The following SMAD6 variants were observed in gnomAD, a reference collection of about 807,000 sequenced individuals.
SMAD6 encodes the protein MAD homolog 6.
In SMAD6, 103 loss-of-function variants were observed where a neutral mutation model predicts 39.4. The ratio of observed to expected loss-of-function variants is 2.62; its 90% CI spans 2.23 to 3.08. The LOEUF is 3.08. Among genes scored for constraint, SMAD6 ranks in the 30% most tolerant of loss-of-function variants. The pLI is 0.00. For synonymous variants in SMAD6, 445 were observed against 353.3 expected, an observed-to-expected ratio of 1.26 and a Z score of -2.91; for missense variants, 1,104 against 742.9, an observed-to-expected ratio of 1.49 and a Z score of -5.65.
In SMAD6 at chr15:66,732,423, C is replaced by T. The variant is rs549573215; in HGVS notation, c.952+15925C>T. 2.0e-5 allele frequency among the ~76,000 whole-genome samples: 3 copies of T among 152,328 alleles called. No individual in the cohort carries two copies. In the South Asian group the frequency reaches 6.2e-4, roughly 32 times the overall value. ...CTGGAGTACAGTGGTACAGCCATGGCTCACTGTAACCCTGAACTCCTGGCT... is the reference window on the plus strand; with the variant it reads ...CTGGAGTACAGTGGTACAGCCATGGTTCACTGTAACCCTGAACTCCTGGCT... On this transcript the variant is annotated intron_variant, in intron 3 of 3. Transcript: ENST00000288840.
intron 3 of SMAD6, among the ~76,000 whole-genome samples, chr15:66,751,157 T>C (rs1001902119): frequency 1.7e-4 from 26 of 152,282 alleles, no homozygotes; most frequent in African/African-American, 6.0e-4. Flanking sequence ...TTGCAAAATG[T>C]TGAGCCTTAT....
Position 66,782,189 on chromosome 15 carries a change from A to G in SMAD6, c.*654A>G. Reference sequence around the variant, plus strand: ...AAAGTTCTGTTGTTCCTTCCTGCCCATGGCTATGGGGTGTCCAGTGGATAG... The same window carrying G: ...AAAGTTCTGTTGTTCCTTCCTGCCCGTGGCTATGGGGTGTCCAGTGGATAG... On this transcript the variant is annotated 3_prime_UTR_variant, in exon 4 of 4. Coordinates refer to ENST00000288840, the MANE Select transcript of SMAD6 (RefSeq NM_005585.5). 3.0e-6 allele frequency: 1 copy of G among 337,206 alleles called. No individual in the cohort carries two copies. The highest frequency in any genetic ancestry group is 4.8e-5 in the Admixed American group (1 of 20,800). The allele number at this position is 337,206 out of a possible 1,614,324, so 20.9% of individuals were successfully genotyped here.
intron 3 of SMAD6, among the ~76,000 whole-genome samples, chr15:66,780,448 A>T (rs1020174828): frequency 3.3e-5 from 5 of 151,772 alleles, no homozygotes; most frequent in Non-Finnish European, 7.4e-5. Flanking sequence ...GCCTAACCCT[A>T]CTCTGTCAGG....
intron 3 of SMAD6, among the ~76,000 whole-genome samples, chr15:66,737,225 T>C (rs1893727955): frequency 6.6e-6 from 1 of 152,224 alleles, no homozygotes; most frequent in Admixed American, 6.5e-5. Context: ...GCTAGGCTTC[T>C]TCACAGCCTT....
chr15:66,759,896 T>G (rs1894168567), intron 3 of SMAD6, among the ~76,000 whole-genome samples: 1 of 152,202 alleles, frequency 6.6e-6, no homozygotes, highest in Non-Finnish European at 1.5e-5. Flanking sequence ...GGGTTCTGGC[T>G]CTCCTTGCCC....
chr15:66,738,717 G>A (rs570357286), intron 3 of SMAD6, among the ~76,000 whole-genome samples: 2 of 152,170 alleles, frequency 1.3e-5, no homozygotes, highest in African/African-American at 4.8e-5. Context: ...CCCTCCAAGC[G>A]ACAGGGTGGG....
At chr15:66,721,663 A>G (rs1310623783) in intron 3 of SMAD6, among the ~76,000 whole-genome samples, 2 of 152,200 alleles carry the variant, frequency 1.3e-5, no homozygotes, top group Non-Finnish European at 2.9e-5. Flanking sequence ...TGAGGGTTAA[A>G]TGAGATGATG....
In SMAD6 at chr15:66,742,767, A is replaced by C. The variant is rs183723468; in HGVS notation, c.952+26269A>C. 2.1e-3 allele frequency among the ~76,000 whole-genome samples: 316 copies of C among 152,142 alleles called. 5 individuals carry two copies. Among genetic ancestry groups the C allele is most frequent in the Non-Finnish European group, 2.4e-4 (16 of 67,980 alleles). On this transcript the variant is annotated intron_variant, in intron 3 of 3. Coordinates refer to ENST00000288840, the MANE Select transcript of SMAD6 (RefSeq NM_005585.5). ...AATCAGCACCCATTCCCAGGCCCCG[A>C]GCTGTCCTTAAGGAAGCCAGGGAGG...
rs1378781017 is a variant in SMAD6, at chr15:66,769,639, G to A, written c.953-11358G>A. On this transcript the variant is annotated intron_variant, in intron 3 of 3. Coordinates refer to ENST00000288840, the MANE Select transcript of SMAD6 (RefSeq NM_005585.5). ...CACCAGTGTGGGTGCCTGTTCCTGA[G>A]AGCTGAGACAGGCTAATTGAGGGCA... Among the ~76,000 whole-genome samples, 4 of 152,302 alleles carry A rather than the reference G, an allele frequency of 2.6e-5. No individual in the cohort carries two copies. In the South Asian group the frequency reaches 6.2e-4, roughly 24 times the overall value.
rs139609162 is a variant in SMAD6, at chr15:66,749,542, G to A, written c.953-31455G>A. 7.3e-3 allele frequency among the ~76,000 whole-genome samples: 1,107 copies of A among 152,180 alleles called. 15 individuals are homozygous for A. The highest frequency in any genetic ancestry group is 0.025 in the African/African-American group (1,034 of 41,498). ...CTGAGATGGGAGCAAAGTTGAGCCC[G>A]GAAGGTTGGAGGCTGCAGTGAGACA... On this transcript the variant is annotated intron_variant, in intron 3 of 3. Transcript: ENST00000288840.
chr15:66,767,638 GA>G (rs1894310402), intron 3 of SMAD6, among the ~76,000 whole-genome samples: 1 of 152,210 alleles, frequency 6.6e-6, no homozygotes. Flanking sequence ...TTTTTGTTGG[GA>G]ACGCTTAAGT....
In SMAD6 at chr15:66,716,399, C is replaced by A. The variant is rs2278604; in HGVS notation, c.875-22C>A. On this transcript the variant is annotated intron_variant, in intron 2 of 3. Transcript: ENST00000288840. Reference sequence around the variant, plus strand: ...GCGCTGCCCCACGGCCAACTAAGTTCTCTTTTTCTTTCCTCCCACAGATCT... The same window carrying A: ...GCGCTGCCCCACGGCCAACTAAGTTATCTTTTTCTTTCCTCCCACAGATCT... The A allele has an allele frequency of 0.25, 400,650 of 1,586,056 alleles. 53,131 individuals carry two copies. Among genetic ancestry groups the A allele is most frequent in the Middle Eastern group, 0.32 (1,897 of 6,008 alleles).
Position 66,743,231 on chromosome 15 carries a change from C to A in SMAD6, c.952+26733C>A, listed in dbSNP as rs576863427. On this transcript the variant is annotated intron_variant, in intron 3 of 3. Transcript: ENST00000288840. ...TGAGAGTGGCAGCTGAGTTTTCTTT[C>A]TAAGAAGAAGGGTGGCTCTGGGCTG... Among the ~76,000 whole-genome samples the A allele has an allele frequency of 2.2e-3, 338 of 152,220 alleles. 2 individuals carry two copies. Among genetic ancestry groups the A allele is most frequent in the African/African-American group, 7.5e-3 (312 of 41,524 alleles).
In SMAD6 at chr15:66,764,522, C is replaced by T. The variant is rs139719445; in HGVS notation, c.953-16475C>T. Among the ~76,000 whole-genome samples, 3 of 152,254 alleles carry T rather than the reference C, an allele frequency of 2.0e-5. No individual in the cohort carries two copies. In the East Asian group the frequency reaches 5.8e-4, roughly 29 times the overall value. ...TGGGGCCAAGTCATCTGTCTTGTCACATCAAAAGCAGATATAACATGGAAT... is the reference window on the plus strand; with the variant it reads ...TGGGGCCAAGTCATCTGTCTTGTCATATCAAAAGCAGATATAACATGGAAT... On this transcript the variant is annotated intron_variant, in intron 3 of 3. Transcript: ENST00000288840.
chr15:66,767,368 G>A (rs923559077), intron 3 of SMAD6, among the ~76,000 whole-genome samples: 2 of 152,186 alleles, frequency 1.3e-5, no homozygotes, highest in South Asian at 2.1e-4. Flanking sequence ...GGATAGAGGT[G>A]TGGGTCCTGG....
intron 3 of SMAD6, among the ~76,000 whole-genome samples, chr15:66,763,084 A>G (rs961497309): frequency 1.3e-5 from 2 of 152,224 alleles, no homozygotes; most frequent in Admixed American, 1.3e-4. Flanking sequence ...AAGTGCCCTC[A>G]AGGCAAGCAG....
At chr15:66,761,473 C>T (rs184016681) in intron 3 of SMAD6, among the ~76,000 whole-genome samples, 4 of 152,278 alleles carry the variant, frequency 2.6e-5, no homozygotes, top group African/African-American at 4.8e-5. Context: ...GTTCCGACAG[C>T]GATGTGAGGA....
chr15:66,748,441 CA>C (rs1169480208), intron 3 of SMAD6, among the ~76,000 whole-genome samples: 2 of 152,100 alleles, frequency 1.3e-5, no homozygotes, highest in African/African-American at 4.8e-5. Flanking sequence ...TTCCCCTTTG[CA>C]AAACAAGTTT....
In SMAD6 at chr15:66,703,844, GAGTCCC is replaced by G; in HGVS notation, c.587_592del (p.Glu196_Arg198delinsGly). 7.3e-7 allele frequency: 1 copy of G among 1,368,408 alleles called. No homozygotes were observed. Among genetic ancestry groups the G allele is most frequent in the Non-Finnish European group, 9.5e-7 (1 of 1,049,028 alleles). 84.8% of individuals were successfully genotyped at this position (1,368,408 alleles called of 1,614,324 possible). On this transcript the variant is annotated inframe_deletion, in exon 1 of 4. Coordinates refer to ENST00000288840, the MANE Select transcript of SMAD6 (RefSeq NM_005585.5). Reference sequence around the variant, plus strand: ...GCTGGACACGCTGCTGGAGGCGGTGGAGTCCCGCGGCGGCGTGCCGGGCGGCTGCGT... The same window carrying G: ...GCTGGACACGCTGCTGGAGGCGGTGGGCGGCGGCGTGCCGGGCGGCTGCGT...
Sources: allele counts gnomAD v4.1 joint callset (sites outside exome capture counted in the v4.1 genomes callset), GRCh38; gene constraint gnomAD v4.1.1; transcripts MANE v1.5; gene names NCBI Gene and HGNC (gene_info 2026-07-23, HGNC 2026-07-21).